Variants in ZNHIT6 observed in about 807,000 individuals in gnomAD.
The protein encoded by ZNHIT6 is box C/D snoRNA protein 1.
ZNHIT6 carries 45 observed loss-of-function variants against 57.2 expected under a neutral mutation model. The ratio of observed to expected loss-of-function variants is 0.79; its 90% confidence interval spans 0.62 to 1.01. The LOEUF (loss-of-function observed/expected upper bound fraction) is 1.01. Ranked by LOEUF, ZNHIT6 falls within the 50% of genes least tolerant of loss-of-function variation. ZNHIT6 has a pLI of 0.00. For synonymous variants in ZNHIT6, 188 were observed against 190.0 expected (o/e 0.99, Z 0.09); for missense variants, 528 against 567.3 (o/e 0.93, Z 0.70).
chr1:85,707,525 T>C (rs1453611857), intron 1 of ZNHIT6, 104 bp downstream of exon 1: 24 of 1,338,492 alleles, frequency 1.8e-5, no homozygotes, highest in Non-Finnish European at 2.4e-5. Context: ...AAACTTGTGC[T>C]CATTTTTCAT....
chr1:85,699,154 CA>C (rs1208715353), intron 5 of ZNHIT6, among the ~76,000 whole-genome samples: 1 of 152,058 alleles, frequency 6.6e-6, no homozygotes. Flanking sequence ...ATACTGGGGG[CA>C]TGGGAGCTGA....
intron 5 of ZNHIT6, among the ~76,000 whole-genome samples, chr1:85,684,973 A>G (rs1043378772): frequency 6.6e-6 from 1 of 152,146 alleles, no homozygotes; most frequent in Non-Finnish European, 1.5e-5. Flanking sequence ...AACCAAAGAA[A>G]TGTATATATA....
chr1:85,700,474 G>A (rs1407778596), intron 5 of ZNHIT6, among the ~76,000 whole-genome samples: 1 of 152,076 alleles, frequency 6.6e-6, no homozygotes, highest in Non-Finnish European at 1.5e-5. Flanking sequence ...GACCCGGGGA[G>A]TTTCAAAACA....
intron 5 of ZNHIT6, among the ~76,000 whole-genome samples, chr1:85,694,960 T>C (rs1662324013): frequency 6.6e-6 from 1 of 152,118 alleles, no homozygotes; most frequent in Admixed American, 6.6e-5. Context: ...ATGTACTGTA[T>C]TTCCATTAAA....
intron 8 of ZNHIT6, 91 bp from the exon 9 acceptor site, chr1:85,658,062 A>C (rs1661111526): frequency 3.3e-6 from 3 of 918,038 alleles, no homozygotes; most frequent in East Asian, 2.9e-5. Context: ...TTACATTAAA[A>C]ATTTTTTAAA....
chr1:85,682,228 G>T (rs1016326301), intron 5 of ZNHIT6, among the ~76,000 whole-genome samples: 13 of 144,612 alleles, frequency 9.0e-5, no homozygotes, highest in African/African-American at 3.3e-4. Context: ...GTTTCACTAC[G>T]TTCGCCAGGA....
At chr1:85,665,744 A>G (rs1023515255) in intron 8 of ZNHIT6, among the ~76,000 whole-genome samples, 2 of 152,210 alleles carry the variant, frequency 1.3e-5, no homozygotes, top group Non-Finnish European at 2.9e-5. Flanking sequence ...TCATCAGTAC[A>G]GACTCTTACA....
chr1:85,687,520 C>T (rs148431587), intron 5 of ZNHIT6, among the ~76,000 whole-genome samples: 1,638 of 152,010 alleles, frequency 0.011, 27 homozygotes, highest in African/African-American at 0.038. Context: ...GTAATTAATG[C>T]ACCATTAACA....
chr1:85,672,976 T>C (rs1056762327), intron 8 of ZNHIT6, among the ~76,000 whole-genome samples: 1 of 152,220 alleles, frequency 6.6e-6, no homozygotes, highest in Non-Finnish European at 1.5e-5. Context: ...TATAAATTCT[T>C]CAGTCAGTAG....
chr1:85,654,160 T>C (rs1413427537), intron 9 of ZNHIT6, 62 bp from the exon 10 acceptor site: 1 of 1,412,530 alleles, frequency 7.1e-7, no homozygotes, highest in Non-Finnish European at 9.8e-7. Context: ...GGTTGCTCTG[T>C]CCCTCTTCTC....
At chr1:85,655,922 G>C (rs1661046792) in intron 9 of ZNHIT6, among the ~76,000 whole-genome samples, 1 of 152,156 alleles carries the variant, frequency 6.6e-6, no homozygotes, top group Non-Finnish European at 1.5e-5. Flanking sequence ...CAACCATCAG[G>C]TGTGGGAACT....
Position 85,651,275 on chromosome 1 carries a change from G to T in ZNHIT6, c.*2783C>A, listed in dbSNP as rs1313028084. 6.6e-6 allele frequency: 1 copy of T among 151,344 alleles called. No homozygotes were observed. The highest frequency in any genetic ancestry group is 2.4e-5 in the African/African-American group (1 of 41,132). 9.4% of individuals were successfully genotyped at this position (151,344 alleles called of 1,614,324 possible). A position where few individuals can be genotyped will look rare whatever the true frequency, so the allele number is the denominator to read the frequency against. ...AGGCAGAGTCTCATTCTGTCACCCA[G>T]GCAGTGCCCAGGAATGCAGTGGAAC... On this transcript the variant is annotated 3_prime_UTR_variant, in exon 10 of 10. Coordinates refer to ENST00000370574, the MANE Select transcript of ZNHIT6 (RefSeq NM_017953.4).
At chr1:85,677,180 AATTAT>A (rs1247535854) in intron 8 of ZNHIT6, 51 bp downstream of exon 8, 14 of 1,321,390 alleles carry the variant, frequency 1.1e-5, no homozygotes, top group Non-Finnish European at 1.5e-5. Flanking sequence ...CAAGCTACTT[AATTAT>A]ATTACAGAAC....
intron 9 of ZNHIT6, 124 bp from the exon 10 acceptor site, chr1:85,654,222 G>A (rs762456486): frequency 5.5e-5 from 37 of 672,276 alleles, no homozygotes; most frequent in South Asian, 1.3e-4. Flanking sequence ...CACACAAACC[G>A]CGTCATGTCC....
chr1:85,684,225 T>C (rs1022067227), intron 5 of ZNHIT6, among the ~76,000 whole-genome samples: 39 of 152,144 alleles, frequency 2.6e-4, no homozygotes, highest in Admixed American at 7.9e-4. Flanking sequence ...GGTGGAGTAA[T>C]TGTGGCAACT....
intron 9 of ZNHIT6, among the ~76,000 whole-genome samples, chr1:85,654,780 T>C (rs1661016073): frequency 6.6e-6 from 1 of 152,226 alleles, no homozygotes; most frequent in African/African-American, 2.4e-5. Flanking sequence ...TTCTATTTCA[T>C]GGTCTTGTGA....
intron 3 of ZNHIT6, 28 bp from the exon 4 acceptor site, chr1:85,706,191 C>T (rs1163487667): frequency 3.1e-6 from 5 of 1,611,542 alleles, no homozygotes; most frequent in African/African-American, 1.3e-5. Context: ...GAAGAATAAA[C>T]AAGTGACATA....
chr1:85,672,877 T>C (rs1004357279), intron 8 of ZNHIT6, among the ~76,000 whole-genome samples: 2 of 152,078 alleles, frequency 1.3e-5, no homozygotes. Context: ...TAAATTTCTT[T>C]CTGGTAAATA....
chr1:85,689,626 A>G (rs556576843), intron 5 of ZNHIT6, among the ~76,000 whole-genome samples: 47 of 152,354 alleles, frequency 3.1e-4, no homozygotes, highest in African/African-American at 1.1e-3. Context: ...GAAAATGGAT[A>G]TAGCAGGTGA....
Sources: allele counts gnomAD v4.1 joint callset (sites outside exome capture counted in the v4.1 genomes callset), GRCh38; gene constraint gnomAD v4.1.1; transcripts MANE v1.5; gene names NCBI Gene and HGNC (gene_info 2026-07-23, HGNC 2026-07-21).